ADAM22: variants seen among roughly 807,000 people sequenced by gnomAD.
ADAM22 encodes the protein disintegrin and metalloproteinase domain-containing protein 22.
Under a neutral mutation model 144.6 loss-of-function variants are expected in ADAM22, and 65 were observed. That is an observed-to-expected ratio of 0.45 (90% confidence interval 0.37 to 0.55). The LOEUF is 0.55. Ranked by LOEUF, ADAM22 falls within the 20% of genes least tolerant of loss-of-function variation. ADAM22 has a pLI of 0.00. For missense variants in ADAM22, 974 were observed against 1,184.9 expected (o/e 0.82, Z 2.61); for synonymous variants, 391 against 412.6 (o/e 0.95, Z 0.63).
At chr7:87,971,872 T>C (rs1850523797) in intron 2 of ADAM22, among the ~76,000 whole-genome samples, 1 of 152,248 alleles carries the variant, frequency 6.6e-6, no homozygotes, top group African/African-American at 2.4e-5. Flanking sequence ...ATTTACTTTA[T>C]TCCTTCTCCA....
Position 88,165,925 on chromosome 7 carries a change from G to A in ADAM22, c.2170G>A (p.Gly724Ser), listed in dbSNP as rs369507034. ...YFPHNDDAKT[G>S]ITLSGNGVAG... ...CCCTCACAATGATGATGCAAAGACTGGTATCACTCTGTCTGGCAATGGTAA... is the reference window on the plus strand; with the variant it reads ...CCCTCACAATGATGATGCAAAGACTAGTATCACTCTGTCTGGCAATGGTAA... Residue 724 changes from glycine to serine, a missense_variant, in exon 24 of 32, where the codon GGT (glycine) becomes AGT (serine). Coordinates refer to ENST00000413139, the MANE Select transcript of ADAM22 (RefSeq NM_001324418.2). 6.2e-7 allele frequency: 1 copy of A among 1,610,092 alleles called. No individual in the cohort carries two copies. Among genetic ancestry groups the A allele is most frequent in the African/African-American group, 1.3e-5 (1 of 74,700 alleles).
At chr7:88,084,069 A>G (rs1817740445) in intron 4 of ADAM22, among the ~76,000 whole-genome samples, 1 of 152,182 alleles carries the variant, frequency 6.6e-6, no homozygotes, top group African/African-American at 2.4e-5. Flanking sequence ...CAGGCCATTC[A>G]CTATCTATTT....
chr7:88,153,563 A>G (rs564420758), intron 21 of ADAM22, among the ~76,000 whole-genome samples: 2 of 152,198 alleles, frequency 1.3e-5, no homozygotes, highest in African/African-American at 4.8e-5. Context: ...GGATTTTCTT[A>G]CCTAGAAGAC....
At chr7:88,035,624 T>G (rs1033632324) in intron 3 of ADAM22, among the ~76,000 whole-genome samples, 4 of 152,240 alleles carry the variant, frequency 2.6e-5, no homozygotes, top group Non-Finnish European at 5.9e-5. Context: ...TTCTTGTTAT[T>G]ATTCTCTAAA....
chr7:88,183,430 TA>T (rs143130829), intron 29 of ADAM22, among the ~76,000 whole-genome samples: 80 of 149,652 alleles, frequency 5.3e-4, no homozygotes, highest in African/African-American at 1.5e-3. Context: ...ACTCCTAAGT[TA>T]AAAAAAAAAT....
rs558441205 is a variant in ADAM22, at chr7:88,031,425, G to T, written c.324-44201G>T. Among the ~76,000 whole-genome samples, 32 of 152,304 alleles carry T rather than the reference G, an allele frequency of 2.1e-4. No homozygotes were observed. The South Asian group carries it at 6.6e-3, about 32-fold the overall frequency. ...GGACAATGAAGTTCAGGTTTAAGTG[G>T]TCTCAGATGGAGTTGAGGAACTTAT... On this transcript the variant is annotated intron_variant, in intron 3 of 31. Coordinates refer to ENST00000413139, the MANE Select transcript of ADAM22 (RefSeq NM_001324418.2).
At chr7:88,013,953 A>G (rs536447088) in intron 3 of ADAM22, among the ~76,000 whole-genome samples, 2 of 152,352 alleles carry the variant, frequency 1.3e-5, no homozygotes, top group South Asian at 2.1e-4. Flanking sequence ...GAGTACCACT[A>G]TCTTTTTTCT....
At chr7:87,991,519 A>ACTACAGGCGCCCGCCT (rs1789877805) in intron 3 of ADAM22, among the ~76,000 whole-genome samples, 1 of 151,850 alleles carries the variant, frequency 6.6e-6, no homozygotes, top group African/African-American at 2.4e-5. Context: ...GGCGCCCGCC[A>ACTACAGGCGCCCGCCT]CCGCGCCCGG....
chr7:88,045,227 A>G (rs1232772580), intron 3 of ADAM22, among the ~76,000 whole-genome samples: 1 of 152,164 alleles, frequency 6.6e-6, no homozygotes, highest in East Asian at 1.9e-4. Context: ...CATGTTGGCC[A>G]GGCTGGTCTC....
In ADAM22 at chr7:88,116,786, T is replaced by G. The variant is rs1827861386; in HGVS notation, c.579T>G (p.Phe193Leu). The change falls in exon 7 of 32, where the codon TTT (phenylalanine) becomes TTG (leucine). Residue 193 changes from phenylalanine (F) to leucine (L), a missense_variant. This residue lies in a region of ADAM22 where 734 missense variants were observed against 950.6 expected (regional missense o/e 0.77). Coordinates refer to ENST00000413139, the MANE Select transcript of ADAM22 (RefSeq NM_001324418.2). ...ATTCAGTTTACAAATCCAGACTGTT[T>G]GAATTTTCCTTGGATGATCTTCCAT... ...HFHSVYKSRL[F>L]EFSLDDLPSE... The G allele has an allele frequency of 1.2e-6, 2 of 1,613,500 alleles. No individual in the cohort carries two copies. Among genetic ancestry groups the G allele is most frequent in the Non-Finnish European group, 1.7e-6 (2 of 1,179,666 alleles).
intron 31 of ADAM22, 118 bp downstream of exon 31, chr7:88,193,357 C>T: frequency 8.0e-7 from 1 of 1,254,532 alleles, no homozygotes; most frequent in South Asian, 1.8e-5. Context: ...ATGAAAAAAT[C>T]AAACTTGAAA....
chr7:88,157,403 G>A (rs956951149), intron 22 of ADAM22, among the ~76,000 whole-genome samples: 98 of 152,222 alleles, frequency 6.4e-4, no homozygotes, highest in African/African-American at 2.3e-3. Context: ...GGCAACAGGA[G>A]CCCTGGGAGT....
At chr7:87,940,025 C>G (rs1163966573) in intron 2 of ADAM22, among the ~76,000 whole-genome samples, 3 of 151,874 alleles carry the variant, frequency 2.0e-5, no homozygotes, top group Non-Finnish European at 4.4e-5. Flanking sequence ...AAACCCGCCT[C>G]TATGAAGGGT....
At chr7:88,134,981 A>G (rs1832652957) in intron 13 of ADAM22, among the ~76,000 whole-genome samples, 1 of 152,104 alleles carries the variant, frequency 6.6e-6, no homozygotes, top group South Asian at 2.1e-4. Context: ...TTTTTATTTC[A>G]GTAACAAACA....
chr7:87,988,305 T>C (rs945964213), intron 3 of ADAM22, among the ~76,000 whole-genome samples: 4 of 152,170 alleles, frequency 2.6e-5, no homozygotes, highest in South Asian at 2.1e-4. Flanking sequence ...GTCACTGTTA[T>C]ATGAATGGTA....
At chr7:88,007,453 C>A (rs1584972673) in intron 3 of ADAM22, among the ~76,000 whole-genome samples, 1 of 152,112 alleles carries the variant, frequency 6.6e-6, no homozygotes, top group South Asian at 2.1e-4. Flanking sequence ...CAATCCTAAG[C>A]CAAAAGAACA....
intron 3 of ADAM22, among the ~76,000 whole-genome samples, chr7:88,060,148 T>C (rs953560463): frequency 1.3e-5 from 2 of 152,256 alleles, no homozygotes; most frequent in East Asian, 1.9e-4. Context: ...CAGCAAATTA[T>C]AATCTTTTTG....
chr7:88,010,854 G>A (rs1795189045), intron 3 of ADAM22, among the ~76,000 whole-genome samples: 1 of 152,202 alleles, frequency 6.6e-6, no homozygotes, highest in Non-Finnish European at 1.5e-5. Context: ...ATCAACTGAT[G>A]AAACCTACTG....
At chr7:88,159,400 A>G (rs1840928515) in intron 22 of ADAM22, among the ~76,000 whole-genome samples, 3 of 152,176 alleles carry the variant, frequency 2.0e-5, no homozygotes. Context: ...TCCCTATTTC[A>G]TTCTATGAGG....
Sources: allele counts gnomAD v4.1 joint callset (sites outside exome capture counted in the v4.1 genomes callset), GRCh38; gene constraint gnomAD v4.1.1; regional missense constraint gnomAD v4.1.1; transcripts MANE v1.5; gene names NCBI Gene and HGNC (gene_info 2026-07-23, HGNC 2026-07-21).